Variants in MERTK observed in about 807,000 individuals in gnomAD.
MERTK encodes MER proto-oncogene, tyrosine kinase, also known as tyrosine-protein kinase Mer.
Under a neutral mutation model 99.3 loss-of-function variants are expected in MERTK, and 69 were observed. That is an observed-to-expected ratio of 0.70 (90% CI 0.57 to 0.85). The LOEUF (loss-of-function observed/expected upper bound fraction) is 0.85, where lower values mean the gene tolerates loss of function less well. Ranked by LOEUF, MERTK falls within the 40% of genes least tolerant of loss-of-function variation. The probability of loss-of-function intolerance (pLI) is 0.00; values close to 1 mark genes in which losing one functional copy is unlikely to be tolerated. For synonymous variants in MERTK, 426 were observed against 467.6 expected, an observed-to-expected ratio of 0.91 and a Z score of 1.15; for missense variants, 1,125 against 1,249.4, an observed-to-expected ratio of 0.90 and a Z score of 1.50.
At chr2:111,925,292 A>ATATATTTT (rs372747015) in intron 1 of MERTK, among the ~76,000 whole-genome samples, 3 of 24,486 alleles carry the variant, frequency 1.2e-4, no homozygotes, top group South Asian at 2.2e-3. Context: ...ATATATATAT[A>ATATATTTT]TTTTTTTTTT....
intron 1 of MERTK, among the ~76,000 whole-genome samples, chr2:111,925,583 G>A (rs1410861640): frequency 6.6e-6 from 1 of 151,534 alleles, no homozygotes; most frequent in Non-Finnish European, 1.5e-5. Flanking sequence ...GATTACAGGC[G>A]TGAGCCACCG....
At position 112,029,402 on chromosome 2, in the gene MERTK, G is replaced by C; in HGVS notation, c.*538G>C. 6.6e-6 allele frequency: 6 copies of C among 904,744 alleles called. No homozygotes were observed. Among genetic ancestry groups the C allele is most frequent in the South Asian group, 5.1e-5 (1 of 19,592 alleles). The allele number at this position is 904,744 out of a possible 1,614,324, so 56.0% of individuals were successfully genotyped here. ...GAACTTACTTGAGACTTGAAAGACAGTGGTCGGCAGCGGCCTTGTGGCCTT... is the reference window on the plus strand; with the variant it reads ...GAACTTACTTGAGACTTGAAAGACACTGGTCGGCAGCGGCCTTGTGGCCTT... On this transcript the variant is annotated 3_prime_UTR_variant, in exon 19 of 19. Transcript: ENST00000295408.
intron 6 of MERTK, among the ~76,000 whole-genome samples, chr2:111,974,769 C>CAAAAAAAAAAAAA (rs35594851): frequency 1.1e-4 from 6 of 53,368 alleles, no homozygotes; most frequent in African/African-American, 2.9e-4. Flanking sequence ...AGGTCCATCT[C>CAAAAAAAAAAAAA]AAAAAAAAAA....
chr2:111,902,738 C>T (rs542924609), intron 1 of MERTK, among the ~76,000 whole-genome samples: 18 of 152,188 alleles, frequency 1.2e-4, no homozygotes, highest in Non-Finnish European at 2.5e-4. Flanking sequence ...AATTTAATTT[C>T]CTGATAATGC....
At chr2:112,012,635 G>A (rs577821581) in intron 15 of MERTK, among the ~76,000 whole-genome samples, 157 of 152,254 alleles carry the variant, frequency 1.0e-3, no homozygotes, top group African/African-American at 3.6e-3. Context: ...CCTAAGAGGG[G>A]CAGCAACCCC....
chr2:112,000,749 A>G (rs1251121174), intron 10 of MERTK, among the ~76,000 whole-genome samples: 2 of 152,202 alleles, frequency 1.3e-5, no homozygotes, highest in East Asian at 3.8e-4. Flanking sequence ...GCAAGTCACT[A>G]TGCATAGCCC....
In MERTK at chr2:111,944,347, T is replaced by C. The variant is rs1684919099; in HGVS notation, c.483-613T>C. On this transcript the variant is annotated intron_variant, in intron 2 of 18. Transcript: ENST00000295408. ...AAAAATCAAGACAAGTGATAGCACA[T>C]ATATTAGTCAGGGTTTTTCCAAGAA... Among the ~76,000 whole-genome samples, 7 of 143,742 alleles carry C rather than the reference T, an allele frequency of 4.9e-5. No individual in the cohort carries two copies. In the Admixed American group the frequency reaches 4.9e-4, roughly 10 times the overall value. 94.3% of individuals were successfully genotyped at this position (143,742 alleles called of 152,430 possible). A position where few individuals can be genotyped will look rare whatever the true frequency, so the allele number is the denominator to read the frequency against.
chr2:112,019,286 G>T lies in MERTK; in HGVS notation c.2080-127G>T, dbSNP rs1573645847. On this transcript the variant is annotated intron_variant, in intron 15 of 18. Coordinates refer to ENST00000295408, the MANE Select transcript of MERTK (RefSeq NM_006343.3). Reference sequence around the variant, plus strand: ...TGATATTAGTGATATGGAAATAAAAGATTTGTTTCCTTATTTCATCACTAC... The same window carrying T: ...TGATATTAGTGATATGGAAATAAAATATTTGTTTCCTTATTTCATCACTAC... 37 of 803,726 alleles carry T rather than the reference G, an allele frequency of 4.6e-5. No homozygotes were observed. In the East Asian group the frequency reaches 8.7e-4, roughly 19 times the overall value. 49.8% of individuals were successfully genotyped at this position (803,726 alleles called of 1,614,324 possible). A position where few individuals can be genotyped will look rare whatever the true frequency, so the allele number is the denominator to read the frequency against.
At chr2:111,910,238 C>G (rs1684216559) in intron 1 of MERTK, among the ~76,000 whole-genome samples, 1 of 150,964 alleles carries the variant, frequency 6.6e-6, no homozygotes, top group Non-Finnish European at 1.5e-5. Context: ...GCACTCCAGC[C>G]TGGGCAACAG....
intron 8 of MERTK, among the ~76,000 whole-genome samples, chr2:111,990,076 G>A (rs11123073): frequency 0.62 from 93,998 of 151,986 alleles, 29,446 homozygotes; most frequent in Middle Eastern, 0.69. Flanking sequence ...ATACACATGG[G>A]GTAGCGCCTG....
At chr2:111,903,358 C>A (rs1684080512) in intron 1 of MERTK, among the ~76,000 whole-genome samples, 1 of 152,186 alleles carries the variant, frequency 6.6e-6, no homozygotes, top group South Asian at 2.1e-4. Flanking sequence ...TTTTATTTTG[C>A]TGTGATGCCA....
At chr2:111,998,985 T>G (rs796926158) in intron 10 of MERTK, among the ~76,000 whole-genome samples, 12 of 152,356 alleles carry the variant, frequency 7.9e-5, no homozygotes, top group African/African-American at 2.9e-4. Context: ...CTTTTATTTT[T>G]ACTTATAAAA....
At chr2:111,968,860 G>A (rs765057899) in intron 6 of MERTK, among the ~76,000 whole-genome samples, 8 of 152,238 alleles carry the variant, frequency 5.3e-5, no homozygotes, top group South Asian at 2.1e-4. Flanking sequence ...TTAAGGTCCC[G>A]AAACACATGC....
intron 16 of MERTK, among the ~76,000 whole-genome samples, chr2:112,020,262 G>C (rs1677312072): frequency 6.6e-6 from 1 of 152,092 alleles, no homozygotes; most frequent in Non-Finnish European, 1.5e-5. Context: ...TTTTGTTATT[G>C]TTATTATTTA....
At chr2:112,010,470 G>T (rs1573638759) in intron 15 of MERTK, among the ~76,000 whole-genome samples, 1 of 152,162 alleles carries the variant, frequency 6.6e-6, no homozygotes, top group Admixed American at 6.5e-5. Context: ...CTTTGAAGAA[G>T]TGTTGGTGAC....
At chr2:112,028,172 T>C (rs1290322890) in intron 18 of MERTK, 179 bp from the exon 19 acceptor site, 87 of 687,098 alleles carry the variant, frequency 1.3e-4, no homozygotes, top group South Asian at 1.9e-5. Flanking sequence ...TCAAATACCA[T>C]GGAACATTTA....
intron 18 of MERTK, 58 bp downstream of exon 18, chr2:112,022,452 G>A (rs755814372): frequency 5.6e-6 from 9 of 1,611,042 alleles, no homozygotes; most frequent in Non-Finnish European, 7.6e-6. Flanking sequence ...ACCTGGCTCT[G>A]CACTGACCTC....
At chr2:111,989,782 A>G (rs1020746338) in intron 8 of MERTK, among the ~76,000 whole-genome samples, 5 of 152,224 alleles carry the variant, frequency 3.3e-5, no homozygotes, top group African/African-American at 1.2e-4. Flanking sequence ...TGACTTTCCA[A>G]AGATGTGTTA....
intron 1 of MERTK, among the ~76,000 whole-genome samples, chr2:111,912,085 C>T (rs1684261411): frequency 6.6e-6 from 1 of 152,028 alleles, no homozygotes; most frequent in Non-Finnish European, 1.5e-5. Flanking sequence ...TCACTGCAAC[C>T]TCCACCTTCC....
Sources: allele counts gnomAD v4.1 joint callset (sites outside exome capture counted in the v4.1 genomes callset), GRCh38; gene constraint gnomAD v4.1.1; transcripts MANE v1.5; gene names NCBI Gene and HGNC (gene_info 2026-07-23, HGNC 2026-07-21).